Variants in PTBP1 observed in about 807,000 individuals in gnomAD.
PTBP1 encodes the protein polypyrimidine tract-binding protein 1.
A neutral mutation model predicts 59.8 loss-of-function variants in PTBP1; 8 were observed. The ratio of observed to expected loss-of-function variants is 0.13; its 90% confidence interval spans 0.08 to 0.24. PTBP1 has a LOEUF of 0.24. Among genes scored for constraint, PTBP1 ranks in the 10% least tolerant of loss-of-function variants. PTBP1 has a pLI of 1.00. For missense variants in PTBP1, 686 were observed against 767.0 expected (o/e 0.89, Z 1.25); for synonymous variants, 490 against 320.7 (o/e 1.53, Z -5.64).
intron 1 of PTBP1, 69 bp from the exon 2 acceptor site, chr19:799,344 G>A (rs1409516192): frequency 4.1e-6 from 6 of 1,472,988 alleles, no homozygotes; most frequent in Non-Finnish European, 3.8e-6. Flanking sequence ...CCTGGCCCGG[G>A]GACAGCTGGG....
At chr19:802,990 G>A (rs566794242) in intron 2 of PTBP1, among the ~76,000 whole-genome samples, 18 of 152,330 alleles carry the variant, frequency 1.2e-4, no homozygotes, top group African/African-American at 3.1e-4. Context: ...TCAGTCTCGC[G>A]TGTGCAGAGA....
rs1350087487 is a variant in PTBP1, at chr19:804,598, G to A, written c.502G>A (p.Ala168Thr). 1 of 1,611,862 alleles carries A rather than the reference G, an allele frequency of 6.2e-7. No homozygotes were observed. The highest frequency in any genetic ancestry group is 1.1e-5 in the South Asian group (1 of 91,040). The part of the protein sequence containing the change: ...QSGNLALAAS[A>T]AAVDAGMAMA... ...GGGGAACCTGGCCTTGGCTGCCTCG[G>A]CGGCGGCCGTGGACGCAGGGATGGC... The change falls in exon 6 of 15, where the codon GCG becomes ACG. Residue 168 changes from alanine (A) to threonine (T), a missense_variant. Ala to Thr is a moderately conservative substitution (Grantham distance 58). Transcript: ENST00000356948.
intron 13 of PTBP1, among the ~76,000 whole-genome samples, chr19:810,224 T>C (rs934694426): frequency 2.0e-5 from 3 of 152,190 alleles, no homozygotes; most frequent in African/African-American, 7.2e-5. Flanking sequence ...GGAGAATCAC[T>C]TGAACCTGCA....
At position 808,673 on chromosome 19, in the gene PTBP1, C is replaced by T. The variant is rs116167690; in HGVS notation, c.1374C>T (p.Asn458=). 3,375 of 1,612,760 alleles carry T rather than the reference C, an allele frequency of 2.1e-3. 70 individuals are homozygous for T. The African/African-American group carries it at 0.04, about 19-fold the overall frequency. Residue 458 remains asparagine, a synonymous_variant, in exon 13 of 15, where the codon AAC becomes AAT. Transcript: ENST00000356948. This position sits in a 1 kb window ranked among gnomAD's most constrained non-coding sequence, Gnocchi z 4.7. ...EDQGLTKDYG[N]SPLHRFKKPG... The stretch of plus-strand genomic sequence containing the variant: ...AGGGCCTGACCAAGGACTACGGCAA[C>T]TCACCCCTGCACCGCTTCAAGAAGC...
Position 808,498 on chromosome 19 carries a change from G to C in PTBP1, c.1246+46G>C. On this transcript the variant is annotated intron_variant, in intron 12 of 14. Transcript: ENST00000356948. The surrounding 1 kb of genome is among the most constrained non-coding windows in gnomAD (Gnocchi z 4.7). ...CGGGGTGGAGGGGGCAGGGGCGGGG[G>C]CTGCGTTCCCTCTCGGGCGCCTGGT... 1 of 1,557,924 alleles carries C rather than the reference G, an allele frequency of 6.4e-7. No individual in the cohort carries two copies.
At chr19:809,940 A>G (rs2034776634) in intron 13 of PTBP1, among the ~76,000 whole-genome samples, 1 of 152,204 alleles carries the variant, frequency 6.6e-6, no homozygotes, top group African/African-American at 2.4e-5. Flanking sequence ...ATGCAGGTAC[A>G]TCTGGCCCCA....
chr19:797,867 C>T (rs911078013), intron 1 of PTBP1, among the ~76,000 whole-genome samples: 2 of 148,872 alleles, frequency 1.3e-5, no homozygotes, highest in African/African-American at 4.9e-5. Flanking sequence ...CCCGGATGGC[C>T]CTTCCCGCCT....
At chr19:810,114 C>G (rs1449465069) in intron 13 of PTBP1, among the ~76,000 whole-genome samples, 2 of 152,204 alleles carry the variant, frequency 1.3e-5, no homozygotes, top group South Asian at 2.1e-4. Context: ...CAAGACCAAC[C>G]TGGCCAACCT....
Position 806,419 on chromosome 19 carries a change from C to A in PTBP1, c.982C>A (p.Pro328Thr). Residue 328 changes from proline (P) to threonine (T), a missense_variant, in exon 10 of 15, where the codon CCG becomes ACG. Transcript: ENST00000356948. ...TCCTGCTTTTCCAGGCCTTTCCGTT[C>A]CGAACGTCCACGGCGCCCTGGCCCC... is the stretch of plus-strand genomic sequence containing the variant. ...AIPQAAGLSVPNVHGALAPLA... is the reference protein window; with the variant it reads ...AIPQAAGLSVTNVHGALAPLA... 6.2e-7 allele frequency: 1 copy of A among 1,603,160 alleles called. No individual in the cohort carries two copies. The highest frequency in any genetic ancestry group is 8.5e-7 in the Non-Finnish European group (1 of 1,175,216).
At chr19:809,890 G>C (rs1568276268) in intron 13 of PTBP1, among the ~76,000 whole-genome samples, 1 of 152,196 alleles carries the variant, frequency 6.6e-6, no homozygotes, top group Non-Finnish European at 1.5e-5. Context: ...GGCAGAGTAA[G>C]ACCCTGTCTG....
Position 805,062 on chromosome 19 carries a change from A to G in PTBP1, c.767A>G (p.Asp256Gly). The change falls in exon 8 of 15, where the codon GAC becomes GGC. Residue 256 changes from aspartate to glycine, a missense_variant. Physicochemically the swap from Asp to Gly is moderately conservative, Grantham distance 94. Transcript: ENST00000356948. ...IYNACCTLRIDFSKLTSLNVK... is the reference protein window; with the variant it reads ...IYNACCTLRIGFSKLTSLNVK... ...AACGCCTGCTGCACGCTGCGCATCG[A>G]CTTTTCCAAGCTCACCAGCCTCAAC... 2 of 1,613,832 alleles carry G rather than the reference A, an allele frequency of 1.2e-6. No individual in the cohort carries two copies. Among genetic ancestry groups the G allele is most frequent in the Non-Finnish European group, 1.7e-6 (2 of 1,179,864 alleles).
At chr19:802,810 G>A (rs1363893532) in intron 2 of PTBP1, among the ~76,000 whole-genome samples, 2 of 152,256 alleles carry the variant, frequency 1.3e-5, no homozygotes, top group African/African-American at 4.8e-5. Context: ...GATCAGTCTA[G>A]TGCAATTCTT....
At chr19:810,509 G>C (rs199915842) in intron 13 of PTBP1, 34 bp from the exon 14 acceptor site, 1 of 1,597,064 alleles carries the variant, frequency 6.3e-7, no homozygotes, top group Non-Finnish European at 8.5e-7. Flanking sequence ...CCACCCCCAC[G>C]CGGCCCCAGG....
Position 804,608 on chromosome 19 carries a change from T to C in PTBP1, c.512T>C (p.Val171Ala), listed in dbSNP as rs753584151. 12 of 1,612,322 alleles carry C rather than the reference T, an allele frequency of 7.4e-6. No homozygotes were observed. In the East Asian group the frequency reaches 2.7e-4, roughly 36 times the overall value. Residue 171 changes from valine (V) to alanine (A), a missense_variant, in exon 6 of 15, where the codon GTG becomes GCG. Val to Ala is a moderately conservative substitution (Grantham distance 64, BLOSUM62 0). Transcript: ENST00000356948. ...NLALAASAAA[V>A]DAGMAMAGQS... The stretch of plus-strand genomic sequence containing the variant: ...GCCTTGGCTGCCTCGGCGGCGGCCG[T>C]GGACGCAGGGATGGCGATGGCCGGG...
At chr19:797,628 T>G in intron 1 of PTBP1, 123 bp downstream of exon 1, 1 of 552,030 alleles carries the variant, frequency 1.8e-6, no homozygotes, top group Non-Finnish European at 2.6e-6. Context: ...CGGCGGGCTC[T>G]CCCCTTCCTC....
chr19:797,558 C>T lies in PTBP1; in HGVS notation c.8+53C>T, dbSNP rs577177891. The stretch of plus-strand genomic sequence containing the variant: ...CCGCCCTCCCCGCGCCGCAGCCCTG[C>T]CCCCGCCGCCGCGCCGGCCTCCCCG... On this transcript the variant is annotated intron_variant, in intron 1 of 14. Transcript: ENST00000356948. 9.8e-4 allele frequency: 1,281 copies of T among 1,304,146 alleles called. 7 individuals carry two copies. The African/African-American group carries it at 0.017, about 17-fold the overall frequency. The allele number at this position is 1,304,146 out of a possible 1,614,324, so 80.8% of individuals were successfully genotyped here.
At chr19:804,977 T>A (rs1261286407) in intron 7 of PTBP1, 36 bp from the exon 8 acceptor site, 1 of 1,612,154 alleles carries the variant, frequency 6.2e-7, no homozygotes, top group South Asian at 1.1e-5. Flanking sequence ...GCCCTGGCCC[T>A]GGCCCGGCGA....
In PTBP1 at chr19:803,623, C is replaced by T. The variant is rs747164441; in HGVS notation, c.102C>T (p.Asn34=). The T allele has an allele frequency of 1.9e-6, 3 of 1,614,144 alleles. No homozygotes were observed. The highest frequency in any genetic ancestry group is 1.1e-5 in the South Asian group (1 of 91,088). The part of the protein sequence containing the change: ...VTNGPFIMSS[N]SASAANGNDS... ...ACGGACCGTTTATCATGAGCAGCAA[C>T]TCGGCTTCTGCAGGTAAGGCCGGGA... is the stretch of plus-strand genomic sequence containing the variant. Residue 34 remains asparagine (N), a synonymous_variant, in exon 3 of 15, where the codon AAC becomes AAT. Transcript: ENST00000356948.
chr19:804,908 C>T lies in PTBP1; in HGVS notation c.686C>T (p.Ala229Val), dbSNP rs201221864. The T allele has an allele frequency of 2.1e-5, 34 of 1,613,730 alleles. No homozygotes were observed. Among genetic ancestry groups the T allele is most frequent in the Middle Eastern group, 3.3e-4 (2 of 6,084 alleles). Residue 229 changes from alanine to valine, a missense_variant, in exon 7 of 15, where the codon GCG (alanine) becomes GTG (valine). Ala to Val is a moderately conservative substitution (Grantham distance 64, BLOSUM62 0). Transcript: ENST00000356948. The stretch of plus-strand genomic sequence containing the variant: ...CAGTTCCAGGCCCTGCTGCAGTATG[C>T]GGACCCCGTGAGCGCCCAGCACGCC... ...NNQFQALLQY[A>V]DPVSAQHAKL...
Sources: gnomAD v4.1 joint callset for allele counts (sites outside exome capture counted in the v4.1 genomes callset) on GRCh38, gnomAD v4.1.1 for gene constraint, Gnocchi (gnomAD v3.1) non-coding constraint, MANE v1.5 for transcripts, NCBI Gene and HGNC (gene_info 2026-07-23, HGNC 2026-07-21) for gene names.